IGF2BP2: variants seen among roughly 807,000 people sequenced by gnomAD.
IGF2BP2 encodes the protein insulin like growth factor 2 mRNA binding protein 2, also known as insulin-like growth factor 2 mRNA-binding protein 2.
A neutral mutation model predicts 75.8 loss-of-function variants in IGF2BP2; 17 were observed. The ratio of observed to expected loss-of-function variants is 0.22; its 90% CI spans 0.15 to 0.34. The LOEUF (loss-of-function observed/expected upper bound fraction) is 0.34. IGF2BP2 is among the 10% of genes least tolerant of loss of function. The pLI is 1.00. For missense variants in IGF2BP2, 516 were observed against 772.4 expected, an observed-to-expected ratio of 0.67 and a Z score of 3.93; for synonymous variants, 288 against 295.6, an observed-to-expected ratio of 0.97 and a Z score of 0.26.
chr3:185,706,695 G>T (rs538468289), intron 2 of IGF2BP2, among the ~76,000 whole-genome samples: 131 of 151,474 alleles, frequency 8.6e-4, no homozygotes, highest in African/African-American at 2.9e-3. Flanking sequence ...AAACCATCAC[G>T]CACTGTTCTA....
intron 12 of IGF2BP2, among the ~76,000 whole-genome samples, chr3:185,653,397 G>C (rs1416758363): frequency 6.6e-6 from 1 of 152,134 alleles, no homozygotes; most frequent in Non-Finnish European, 1.5e-5. Flanking sequence ...GAGATGGACA[G>C]ATCACCTGGG....
intron 2 of IGF2BP2, among the ~76,000 whole-genome samples, chr3:185,724,106 A>G (rs755127889): frequency 6.6e-6 from 1 of 152,210 alleles, no homozygotes; most frequent in African/African-American, 2.4e-5. Flanking sequence ...ACCAGGACCC[A>G]GGCAGGAATG....
intron 5 of IGF2BP2, among the ~76,000 whole-genome samples, chr3:185,689,831 A>G (rs926582803): frequency 6.2e-4 from 93 of 151,124 alleles, no homozygotes; most frequent in African/African-American, 2.1e-3. Flanking sequence ...AGCCGGGCGT[A>G]GTGGCGGGCG....
At chr3:185,769,925 T>C (rs1277066999) in intron 2 of IGF2BP2, among the ~76,000 whole-genome samples, 1 of 151,952 alleles carries the variant, frequency 6.6e-6, no homozygotes, top group African/African-American at 2.4e-5. Context: ...TTACTATCTA[T>C]TAGGCAAAAT....
chr3:185,761,018 G>GA (rs1732288021), intron 2 of IGF2BP2, among the ~76,000 whole-genome samples: 1 of 151,428 alleles, frequency 6.6e-6, no homozygotes, highest in Non-Finnish European at 1.5e-5. Flanking sequence ...TTTGAGGGGG[G>GA]GAACCAGTAA....
intron 2 of IGF2BP2, among the ~76,000 whole-genome samples, chr3:185,761,696 G>T (rs1323347607): frequency 6.6e-6 from 1 of 152,172 alleles, no homozygotes; most frequent in Non-Finnish European, 1.5e-5. Context: ...GGAATGCAAT[G>T]ATTAATCAAC....
chr3:185,667,158 C>T (rs561131030), intron 10 of IGF2BP2, among the ~76,000 whole-genome samples: 9 of 152,074 alleles, frequency 5.9e-5, no homozygotes, highest in Non-Finnish European at 8.8e-5. Context: ...TTAAGTTCAA[C>T]GATAAAATGG....
At chr3:185,730,653 C>G (rs1354406962) in intron 2 of IGF2BP2, among the ~76,000 whole-genome samples, 2 of 152,008 alleles carry the variant, frequency 1.3e-5, no homozygotes, top group African/African-American at 4.8e-5. Flanking sequence ...AGGCTCGTCT[C>G]GAGCTCCCGA....
At chr3:185,657,215 G>A in intron 12 of IGF2BP2, 71 bp downstream of exon 12, 1 of 1,031,236 alleles carries the variant, frequency 9.7e-7, no homozygotes, top group Non-Finnish European at 1.5e-6. Context: ...GCCTGGGACT[G>A]AGAGGGAACA....
chr3:185,716,345 G>A (rs993210104), intron 2 of IGF2BP2: 6 of 417,464 alleles, frequency 1.4e-5, no homozygotes, highest in Admixed American at 2.8e-5. Context: ...TGACGTAACT[G>A]ATTTGCCTTT....
At chr3:185,800,718 AAAAGAAAG>A (rs1553893939) in intron 2 of IGF2BP2, among the ~76,000 whole-genome samples, 2 of 143,290 alleles carry the variant, frequency 1.4e-5, no homozygotes, top group African/African-American at 2.7e-5. Context: ...GAGCCAAAAA[AAAAGAAAG>A]AAAGAAAGAA....
intron 2 of IGF2BP2, among the ~76,000 whole-genome samples, chr3:185,773,730 T>C (rs1456145409): frequency 6.6e-6 from 1 of 152,202 alleles, no homozygotes; most frequent in East Asian, 1.9e-4. Context: ...CATCTTCTCA[T>C]GCCACTTTCT....
chr3:185,806,534 G>T (rs965232630), intron 2 of IGF2BP2, among the ~76,000 whole-genome samples: 2 of 152,142 alleles, frequency 1.3e-5, no homozygotes, highest in African/African-American at 4.8e-5. Flanking sequence ...GGTTACATGG[G>T]CTATGGGAAT....
chr3:185,796,546 CAG>C (rs1479007533), intron 2 of IGF2BP2, among the ~76,000 whole-genome samples: 6 of 108,764 alleles, frequency 5.5e-5, no homozygotes, highest in African/African-American at 1.1e-4. Context: ...GCCTGGGTGA[CAG>C]AGTGACATTC....
intron 2 of IGF2BP2, among the ~76,000 whole-genome samples, chr3:185,716,186 C>T (rs2149441576): frequency 6.6e-6 from 1 of 151,600 alleles, no homozygotes. Flanking sequence ...AACACCAGAA[C>T]TTTTATTTTT....
chr3:185,816,200 T>C (rs916601519), intron 2 of IGF2BP2, among the ~76,000 whole-genome samples: 7 of 152,166 alleles, frequency 4.6e-5, no homozygotes, highest in African/African-American at 1.7e-4. Flanking sequence ...GTCTAATCTG[T>C]GTGGCTCAGA....
intron 14 of IGF2BP2, among the ~76,000 whole-genome samples, chr3:185,648,880 G>A (rs1379095369): frequency 6.6e-6 from 1 of 152,208 alleles, no homozygotes; most frequent in East Asian, 1.9e-4. Flanking sequence ...AGAAGATAGA[G>A]CCTGTGGAGG....
At chr3:185,782,737 T>A (rs1425408361) in intron 2 of IGF2BP2, among the ~76,000 whole-genome samples, 1 of 152,130 alleles carries the variant, frequency 6.6e-6, no homozygotes, top group Non-Finnish European at 1.5e-5. Context: ...GTGACTAGAA[T>A]AAGTCAAAGC....
chr3:185,755,802 T>C (rs1019469322), intron 2 of IGF2BP2, among the ~76,000 whole-genome samples: 2 of 152,256 alleles, frequency 1.3e-5, no homozygotes, highest in African/African-American at 4.8e-5. Context: ...TGTACCACCA[T>C]TGTACCTTGG....
Sources: allele counts gnomAD v4.1 joint callset (sites outside exome capture counted in the v4.1 genomes callset), GRCh38; gene constraint gnomAD v4.1.1; transcripts MANE v1.5; gene names NCBI Gene and HGNC (gene_info 2026-07-23, HGNC 2026-07-21).